The following ZNF461 variants were observed in gnomAD, a reference collection of about 807,000 sequenced individuals.
ZNF461 encodes zinc finger protein 461.
Under a neutral mutation model 18.3 loss-of-function variants are expected in ZNF461, and 16 were observed. The ratio of observed to expected loss-of-function variants is 0.88; its 90% CI spans 0.59 to 1.33. The LOEUF (loss-of-function observed/expected upper bound fraction) is 1.33, where lower values mean the gene tolerates loss of function less well. Among genes scored for constraint, ZNF461 ranks in the 40% most tolerant of loss-of-function variants. The pLI is 0.00. For missense variants in ZNF461, 595 were observed against 669.9 expected (o/e 0.89, Z 1.23); for synonymous variants, 179 against 216.9 (o/e 0.83, Z 1.54).
intron 2 of ZNF461, among the ~76,000 whole-genome samples, chr19:36,662,331 C>T (rs1172076770): frequency 6.6e-6 from 1 of 152,176 alleles, no homozygotes; most frequent in African/African-American, 2.4e-5. Context: ...TCTCGGCTCA[C>T]TGCAATATCC....
intron 4 of ZNF461, among the ~76,000 whole-genome samples, chr19:36,648,644 A>C (rs2037570818): frequency 6.6e-6 from 1 of 152,056 alleles, no homozygotes; most frequent in African/African-American, 2.4e-5. Context: ...CAGTGGTGCA[A>C]TCTCAGCTCA....
chr19:36,662,143 A>G lies in ZNF461; in HGVS notation c.9+2555T>C, dbSNP rs148086767. On this transcript the variant is annotated intron_variant, in intron 2 of 5. Coordinates refer to ENST00000588268, the MANE Select transcript of ZNF461 (RefSeq NM_153257.5). ...TTCAGCCTCCCAAAATGCAGGGATTACAGGCATGAGCCACCGAGCCTAGCT... is the reference window on the plus strand; with the variant it reads ...TTCAGCCTCCCAAAATGCAGGGATTGCAGGCATGAGCCACCGAGCCTAGCT... 3.8e-4 allele frequency among the ~76,000 whole-genome samples: 58 copies of G among 152,260 alleles called. No individual in the cohort carries two copies. The East Asian group carries it at 0.011, about 29-fold the overall frequency.
chr19:36,640,606 C>A (rs1475164588), intron 5 of ZNF461, among the ~76,000 whole-genome samples: 3 of 152,304 alleles, frequency 2.0e-5, no homozygotes, highest in South Asian at 4.1e-4. Flanking sequence ...CATCTGAGTT[C>A]TTTCGTTAAG....
At chr19:36,659,760 A>G (rs1370296827) in intron 2 of ZNF461, among the ~76,000 whole-genome samples, 2 of 152,236 alleles carry the variant, frequency 1.3e-5, no homozygotes, top group African/African-American at 2.4e-5. Context: ...ATATTAATGT[A>G]GAATGATCCA....
chr19:36,648,512 A>T (rs1346725503), intron 4 of ZNF461, among the ~76,000 whole-genome samples: 2 of 152,014 alleles, frequency 1.3e-5, no homozygotes, highest in East Asian at 3.9e-4. Context: ...TTTTTTTTTA[A>T]ATTAACCATC....
chr19:36,644,222 C>T (rs1048062376), intron 4 of ZNF461, among the ~76,000 whole-genome samples: 2 of 151,704 alleles, frequency 1.3e-5, no homozygotes, highest in Non-Finnish European at 2.9e-5. Flanking sequence ...TGTGAGCCAC[C>T]ACACCCAGCA....
Position 36,644,664 on chromosome 19 carries a change from C to T in ZNF461, c.233-802G>A, listed in dbSNP as rs1266233755. 4.0e-5 allele frequency among the ~76,000 whole-genome samples: 6 copies of T among 151,722 alleles called. No individual in the cohort carries two copies. In the South Asian group the frequency reaches 6.3e-4, roughly 16 times the overall value. On this transcript the variant is annotated intron_variant, in intron 4 of 5. Coordinates refer to ENST00000588268, the MANE Select transcript of ZNF461 (RefSeq NM_153257.5). ...AGGCTGGAGTACGGTGGCGCAATCT[C>T]GGCTCACTGCGGCCTCTGACTCCCG... is the stretch of plus-strand genomic sequence containing the variant.
At chr19:36,657,342 G>A (rs1237284449) in intron 3 of ZNF461, among the ~76,000 whole-genome samples, 2 of 151,704 alleles carry the variant, frequency 1.3e-5, no homozygotes, top group Non-Finnish European at 2.9e-5. Context: ...TTAGCTGGGC[G>A]TGGTGGCGGG....
chr19:36,664,502 C>T (rs1040738520), intron 2 of ZNF461, among the ~76,000 whole-genome samples, 196 bp downstream of exon 2: 12 of 151,718 alleles, frequency 7.9e-5, no homozygotes, highest in African/African-American at 1.7e-4. Flanking sequence ...GTGGGAGAAT[C>T]GCCTGAACCT....
rs2037664136 is a variant in ZNF461 at position 36,653,583 on chromosome 19, C to T, written c.232+2865G>A. ...GCAGAAGGCAAAGGAAGAGCAAAGG[C>T]ACATCTTACATGACAGCAGACAGGA... On this transcript the variant is annotated intron_variant, in intron 4 of 5. Transcript: ENST00000588268. Among the ~76,000 whole-genome samples, 2 of 152,082 alleles carry T rather than the reference C, an allele frequency of 1.3e-5. 1 individual carries two copies. Among genetic ancestry groups the T allele is most frequent in the South Asian group, 4.1e-4 (2 of 4,828 alleles).
At chr19:36,657,868 C>T (rs914219612) in intron 3 of ZNF461, 3 of 154,538 alleles carry the variant, frequency 1.9e-5, no homozygotes, top group Non-Finnish European at 4.3e-5. Flanking sequence ...GTAAATGAAC[C>T]TTTATTACTC....
chr19:36,666,448 T>A (rs567466561), intron 1 of ZNF461, among the ~76,000 whole-genome samples: 4 of 152,028 alleles, frequency 2.6e-5, no homozygotes, highest in Non-Finnish European at 5.9e-5. Flanking sequence ...AAATAGCCAT[T>A]CACAATCATG....
chr19:36,640,783 T>C (rs934511598), intron 5 of ZNF461, among the ~76,000 whole-genome samples: 3 of 152,228 alleles, frequency 2.0e-5, no homozygotes, highest in Admixed American at 6.5e-5. Context: ...GCCTGGGTTA[T>C]AGACATTGTA....
intron 5 of ZNF461, among the ~76,000 whole-genome samples, chr19:36,643,034 G>T (rs888762727): frequency 6.6e-6 from 1 of 152,122 alleles, no homozygotes; most frequent in Admixed American, 6.6e-5. Context: ...TTCCCAAAGT[G>T]CTGGGATTAC....
intron 5 of ZNF461, 68 bp from the exon 6 acceptor site, chr19:36,640,111 G>A: frequency 7.6e-7 from 1 of 1,323,660 alleles, no homozygotes; most frequent in Non-Finnish European, 1.0e-6. Context: ...ATCTATGGTA[G>A]CAATGAGAGA....
chr19:36,653,038 A>G (rs904917199), intron 4 of ZNF461, among the ~76,000 whole-genome samples: 2 of 152,218 alleles, frequency 1.3e-5, no homozygotes, highest in Non-Finnish European at 2.9e-5. Context: ...ACAATAAGAT[A>G]TAATTACCCA....
At chr19:36,641,451 G>C (rs898565797) in intron 5 of ZNF461, among the ~76,000 whole-genome samples, 2 of 151,774 alleles carry the variant, frequency 1.3e-5, no homozygotes, top group Non-Finnish European at 2.9e-5. Context: ...CCGGGAGGTG[G>C]AGGCTGAAGT....
rs2037341321 is a variant in ZNF461, at chr19:36,638,565, T to TTAAA, written c.*84_*87dup. On this transcript the variant is annotated 3_prime_UTR_variant, in exon 6 of 6. Coordinates refer to ENST00000588268, the MANE Select transcript of ZNF461 (RefSeq NM_153257.5). ...AAAACATTTGATTTTCAAGGATTAT[T>TTAAA]TAAATAAATAAATACTAATGAAACT... 2.9e-6 allele frequency: 3 copies of TTAAA among 1,020,432 alleles called. No individual in the cohort carries two copies. The highest frequency in any genetic ancestry group is 4.1e-6 in the Non-Finnish European group (3 of 726,792). The allele number at this position is 1,020,432 out of a possible 1,614,324, so 63.2% of individuals were successfully genotyped here.
At chr19:36,643,645 A>G in intron 5 of ZNF461, 149 bp downstream of exon 5, 1 of 644,642 alleles carries the variant, frequency 1.6e-6, no homozygotes, top group Non-Finnish European at 2.2e-6. Flanking sequence ...CACATTCTGA[A>G]ATCTAACAGA....
Sources: allele counts gnomAD v4.1 joint callset (sites outside exome capture counted in the v4.1 genomes callset), GRCh38; gene constraint gnomAD v4.1.1; transcripts MANE v1.5; gene names NCBI Gene and HGNC (gene_info 2026-07-23, HGNC 2026-07-21).